PHTF2: variants seen among roughly 807,000 people sequenced by gnomAD.
PHTF2 encodes the protein putative homeodomain transcription factor 2.
A neutral mutation model predicts 101.2 loss-of-function variants in PHTF2; 60 were observed. The observed-to-expected ratio is 0.59, with a 90% CI of 0.48 to 0.73. PHTF2 has a LOEUF of 0.73. Ranked by LOEUF, PHTF2 falls within the 30% of genes least tolerant of loss-of-function variation. The probability of loss-of-function intolerance (pLI) is 0.00; values close to 1 mark genes in which losing one functional copy is unlikely to be tolerated. For synonymous variants in PHTF2, 311 were observed against 307.3 expected (o/e 1.01, Z -0.13); for missense variants, 747 against 908.7 (o/e 0.82, Z 2.29).
chr7:77,856,430 A>G (rs1044437531), intron 3 of PHTF2, among the ~76,000 whole-genome samples: 1 of 151,858 alleles, frequency 6.6e-6, no homozygotes, highest in Non-Finnish European at 1.5e-5. Context: ...CTCATATCTC[A>G]CTGTAACCTA....
chr7:77,897,160 G>T (rs1800943827), intron 5 of PHTF2, among the ~76,000 whole-genome samples: 1 of 152,014 alleles, frequency 6.6e-6, no homozygotes, highest in Admixed American at 6.5e-5. Context: ...AGAGAAAAAG[G>T]GGGTGGGGGA....
intron 5 of PHTF2, among the ~76,000 whole-genome samples, chr7:77,899,048 C>T (rs1801138201): frequency 6.6e-6 from 1 of 152,108 alleles, no homozygotes; most frequent in Admixed American, 6.6e-5. Context: ...GTGATCCGCC[C>T]ACCTTGGCCC....
chr7:77,803,986 GA>G (rs1401336100), intron 1 of PHTF2, among the ~76,000 whole-genome samples: 5 of 152,144 alleles, frequency 3.3e-5, no homozygotes, highest in African/African-American at 4.8e-5. Flanking sequence ...AAAAATAAAT[GA>G]AGTAGGATTT....
At chr7:77,890,825 T>C (rs1383348291) in intron 3 of PHTF2, among the ~76,000 whole-genome samples, 1 of 151,626 alleles carries the variant, frequency 6.6e-6, no homozygotes, top group Non-Finnish European at 1.5e-5. Flanking sequence ...TAGGATGGTC[T>C]CGATCTCCTG....
At chr7:77,864,249 G>A (rs998177443) in intron 3 of PHTF2, among the ~76,000 whole-genome samples, 1 of 152,140 alleles carries the variant, frequency 6.6e-6, no homozygotes, top group African/African-American at 2.4e-5. Flanking sequence ...TTCTGTTACT[G>A]CTTTTGTCTT....
exon 10 of PHTF2, chr7:77,920,317 A>T: frequency 6.2e-7 from 1 of 1,601,332 alleles, no homozygotes; most frequent in Non-Finnish European, 8.5e-7. Context: ...AAATCAACTG[A>T]AACTGACAAT....
chr7:77,901,026 G>A (rs536181997), intron 6 of PHTF2, among the ~76,000 whole-genome samples: 125 of 152,304 alleles, frequency 8.2e-4, no homozygotes, highest in African/African-American at 2.8e-3. Flanking sequence ...GCGGGACCAG[G>A]CACATCACAT....
At chr7:77,931,434 A>T (rs1804555107) in intron 12 of PHTF2, among the ~76,000 whole-genome samples, 1 of 152,224 alleles carries the variant, frequency 6.6e-6, no homozygotes, top group South Asian at 2.1e-4. Context: ...AAATAAAAGG[A>T]TGTGAACAGG....
At chr7:77,885,895 T>G (rs1799800546) in intron 3 of PHTF2, among the ~76,000 whole-genome samples, 1 of 152,222 alleles carries the variant, frequency 6.6e-6, no homozygotes, top group African/African-American at 2.4e-5. Context: ...ATTTAGTGTT[T>G]GTGAGAATTA....
chr7:77,893,829 T>C (rs561062208), intron 4 of PHTF2, among the ~76,000 whole-genome samples, 153 bp from the exon 4 acceptor site: 137 of 152,310 alleles, frequency 9.0e-4, no homozygotes, highest in African/African-American at 3.1e-3. Context: ...CGTTTACTCC[T>C]GATGTTGGTT....
intron 3 of PHTF2, among the ~76,000 whole-genome samples, chr7:77,890,909 T>A (rs928874346): frequency 7.7e-6 from 1 of 129,268 alleles, no homozygotes; most frequent in African/African-American, 2.9e-5. Flanking sequence ...CCGGCCTTTT[T>A]TTTTTTTTTT....
chr7:77,924,364 A>G (rs974210186), intron 11 of PHTF2, among the ~76,000 whole-genome samples: 1 of 152,140 alleles, frequency 6.6e-6, no homozygotes, highest in Non-Finnish European at 1.5e-5. Flanking sequence ...ATTTATCACT[A>G]AATAACCAAA....
chr7:77,855,613 C>T (rs755590677), intron 3 of PHTF2, among the ~76,000 whole-genome samples: 23 of 152,144 alleles, frequency 1.5e-4, no homozygotes, highest in Non-Finnish European at 3.1e-4. Context: ...CCACAGAAGG[C>T]GGTAACCTGT....
rs1389647343 is a variant in PHTF2 at position 77,852,737 on chromosome 7, G to C, written c.46-1996G>C. 3.3e-5 allele frequency among the ~76,000 whole-genome samples: 5 copies of C among 152,134 alleles called. No individual in the cohort carries two copies. In the East Asian group the frequency reaches 9.6e-4, roughly 29 times the overall value. On this transcript the variant is annotated intron_variant, in intron 2 of 19. Coordinates refer to ENST00000416283, the Ensembl canonical transcript of PHTF2. ...CTTTTTAACCTCCTTTCAGATTGAA[G>C]AACTCCCTTTAGCATTTCTTGAAGG...
intron 3 of PHTF2, among the ~76,000 whole-genome samples, chr7:77,877,590 A>G (rs1326242446): frequency 2.0e-5 from 3 of 152,254 alleles, no homozygotes; most frequent in Non-Finnish European, 2.9e-5. Context: ...AAGTTGGAAA[A>G]TGAACAGTCT....
intron 1 of PHTF2, among the ~76,000 whole-genome samples, chr7:77,834,428 T>C (rs1404173028): frequency 6.6e-6 from 1 of 152,188 alleles, no homozygotes; most frequent in Non-Finnish European, 1.5e-5. Flanking sequence ...CATTGTTCTT[T>C]GTATCACAAA....
At chr7:77,878,663 A>T (rs760962638) in intron 3 of PHTF2, among the ~76,000 whole-genome samples, 3 of 152,208 alleles carry the variant, frequency 2.0e-5, no homozygotes, top group Non-Finnish European at 4.4e-5. Context: ...ACTCCCAGGA[A>T]TGAACAAGCA....
At chr7:77,844,641 C>A (rs1457446232) in intron 2 of PHTF2, among the ~76,000 whole-genome samples, 1 of 152,218 alleles carries the variant, frequency 6.6e-6, no homozygotes, top group Non-Finnish European at 1.5e-5. Flanking sequence ...TCTCCTGCCT[C>A]AGCCTCCCCA....
At chr7:77,953,741 GGACT>G (rs1416135831) in intron 18 of PHTF2, 24 bp from the exon 18 acceptor site, 4 of 1,595,730 alleles carry the variant, frequency 2.5e-6, no homozygotes, top group African/African-American at 1.4e-5. Flanking sequence ...TTTGAATCTG[GGACT>G]GACTTTTTTT....
Sources: gnomAD v4.1 joint callset for allele counts (sites outside exome capture counted in the v4.1 genomes callset) on GRCh38, gnomAD v4.1.1 for gene constraint, MANE v1.5 for transcripts, NCBI Gene and HGNC (gene_info 2026-07-23, HGNC 2026-07-21) for gene names.